Variants in NOD1 observed in about 807,000 individuals in gnomAD.
The protein encoded by NOD1 is nucleotide-binding oligomerization domain-containing protein 1.
Under a neutral mutation model 81.2 loss-of-function variants are expected in NOD1, and 70 were observed. The observed-to-expected ratio is 0.86, with a 90% CI of 0.71 to 1.05. The LOEUF is 1.05. NOD1 is among the 50% of genes least tolerant of loss of function. The pLI is 0.00. For missense variants in NOD1, 1,233 were observed against 1,228.0 expected (o/e 1.00, Z -0.06); for synonymous variants, 508 against 526.9 (o/e 0.96, Z 0.49).
intron 1 of NOD1, among the ~76,000 whole-genome samples, chr7:30,474,835 T>C (rs1168884245): frequency 6.6e-6 from 1 of 152,232 alleles, no homozygotes; most frequent in Non-Finnish European, 1.5e-5. Context: ...ATGTCTGGTA[T>C]ACTTTATAGA....
chr7:30,426,152 G>A (rs1457559020), intron 13 of NOD1, among the ~76,000 whole-genome samples: 2 of 152,002 alleles, frequency 1.3e-5, no homozygotes, highest in African/African-American at 4.8e-5. Context: ...TTTCCTCCAG[G>A]TTTGGGGCTA....
chr7:30,450,141 C>T (rs186636992), intron 6 of NOD1, among the ~76,000 whole-genome samples: 1 of 152,110 alleles, frequency 6.6e-6, no homozygotes, highest in African/African-American at 2.4e-5. Flanking sequence ...TTGCAGTGAG[C>T]TGAGATCACG....
chr7:30,466,364 A>ATT (rs536789760), intron 1 of NOD1, among the ~76,000 whole-genome samples: 1 of 146,174 alleles, frequency 6.8e-6, no homozygotes, highest in African/African-American at 2.5e-5. Flanking sequence ...TCAATGTGCA[A>ATT]TTTTTTTTTT....
Position 30,455,324 on chromosome 7 carries a change from C to A in NOD1, c.202-13G>T. 6.2e-7 allele frequency: 1 copy of A among 1,607,724 alleles called. No individual in the cohort carries two copies. Among genetic ancestry groups the A allele is most frequent in the Non-Finnish European group, 8.5e-7 (1 of 1,175,090 alleles). On this transcript the variant is annotated splice_polypyrimidine_tract_variant and intron_variant, in intron 4 of 13. Coordinates refer to ENST00000222823, the MANE Select transcript of NOD1 (RefSeq NM_006092.4). ...GAATTTTGCGGACCTGGAGGTGACA[C>A]AAGCATGAGGGCACGGGCTGGCATG...
chr7:30,452,990 A>C lies in NOD1; in HGVS notation c.427T>G (p.Phe143Val). Residue 143 changes from phenylalanine (F) to valine (V), a missense_variant, in exon 6 of 14, where the codon TTC (phenylalanine) becomes GTC (valine). By Grantham distance (50) the Phe-to-Val change is conservative. Transcript: ENST00000222823. ...TCCTTCTGGGCATAGCACAGCACGA[A>C]CTTGGAGTCACGGCCCAGATGGTGT... ...LRHHLGRDSK[F>V]VLCYAQKEEL... is the part of the protein sequence containing the mutation. 1 of 1,613,724 alleles carries C rather than the reference A, an allele frequency of 6.2e-7. No individual in the cohort carries two copies. Among genetic ancestry groups the C allele is most frequent in the Non-Finnish European group, 8.5e-7 (1 of 1,179,932 alleles).
chr7:30,465,769 T>C (rs748917201), intron 1 of NOD1, among the ~76,000 whole-genome samples: 5 of 152,210 alleles, frequency 3.3e-5, no homozygotes, highest in Non-Finnish European at 5.9e-5. Context: ...TTATAAAACA[T>C]TCTTTAGCAA....
intron 1 of NOD1, among the ~76,000 whole-genome samples, chr7:30,473,172 A>C (rs1419384907): frequency 6.6e-6 from 1 of 152,176 alleles, no homozygotes; most frequent in Non-Finnish European, 1.5e-5. Flanking sequence ...ACCTCACTCA[A>C]CTGAGAATTT....
Position 30,455,312 on chromosome 7 carries a change from C to A in NOD1, c.202-1G>T. ...GTACCAGGTCCAGAATTTTGCGGAC[C>A]TGGAGGTGACACAAGCATGAGGGCA... On this transcript the variant is annotated splice_acceptor_variant, in intron 4 of 13. Coordinates refer to ENST00000222823, the MANE Select transcript of NOD1 (RefSeq NM_006092.4). LOFTEE classifies it high-confidence loss of function. 1 of 1,611,324 alleles carries A rather than the reference C, an allele frequency of 6.2e-7. No homozygotes were observed. The highest frequency in any genetic ancestry group is 1.3e-5 in the African/African-American group (1 of 74,952).
At chr7:30,476,976 G>A (rs1788844498) in intron 1 of NOD1, among the ~76,000 whole-genome samples, 1 of 152,208 alleles carries the variant, frequency 6.6e-6, no homozygotes, top group Non-Finnish European at 1.5e-5. Flanking sequence ...ACCTGCCAGC[G>A]CCACCACCTT....
At position 30,451,500 on chromosome 7, in the gene NOD1, C is replaced by T; in HGVS notation, c.1917G>A (p.Gln639=). 1.2e-6 allele frequency: 2 copies of T among 1,613,218 alleles called. No homozygotes were observed. Among genetic ancestry groups the T allele is most frequent in the Non-Finnish European group, 1.7e-6 (2 of 1,179,918 alleles). The change falls in exon 6 of 14, where the codon CAG becomes CAA. Residue 639 remains glutamine, a synonymous_variant. Coordinates refer to ENST00000222823, the MANE Select transcript of NOD1 (RefSeq NM_006092.4). The surrounding 1 kb of genome is among the most constrained non-coding windows in gnomAD (Gnocchi z 4.2). The part of the protein sequence containing the change: ...RGYLKSLPRV[Q]VESFNQVQAM... ...CCTGCACCTGGTTGAAGCTTTCGAC[C>T]TGAACGCGGGGCAGGCTCTTCAGGT...
rs752021840 is a variant in NOD1 at position 30,436,068 on chromosome 7, C to T, written c.2551G>A (p.Gly851Ser). The change falls in exon 11 of 14, where the codon GGC becomes AGC. Residue 851 changes from glycine (G) to serine (S), a missense_variant. By Grantham distance (56) the Gly-to-Ser change is moderately conservative. Coordinates refer to ENST00000222823, the MANE Select transcript of NOD1 (RefSeq NM_006092.4). ...CTCTTTCCTCCTTCTGTGGAGATGCCGTTGGACGCAAGACTAGGAAGGAAC... is the reference window on the plus strand; with the variant it reads ...CTCTTTCCTCCTTCTGTGGAGATGCTGTTGGACGCAAGACTAGGAAGGAAC... ...SLTTLSLASN[G>S]ISTEGGKSLA... is the part of the protein sequence containing the mutation. 6.8e-6 allele frequency: 11 copies of T among 1,613,810 alleles called. No individual in the cohort carries two copies. Among genetic ancestry groups the T allele is most frequent in the South Asian group, 3.3e-5 (3 of 91,064 alleles).
chr7:30,438,431 G>A (rs1161558227), intron 9 of NOD1, among the ~76,000 whole-genome samples: 2 of 152,242 alleles, frequency 1.3e-5, no homozygotes, highest in African/African-American at 4.8e-5. Flanking sequence ...ATGGAGTTGT[G>A]AGGATTCACT....
intron 1 of NOD1, among the ~76,000 whole-genome samples, chr7:30,464,997 G>A (rs1787534566): frequency 6.6e-6 from 1 of 152,208 alleles, no homozygotes; most frequent in African/African-American, 2.4e-5. Flanking sequence ...CAGAGGTCAA[G>A]TAGCTCCCTG....
chr7:30,452,757 G>T lies in NOD1; in HGVS notation c.660C>A (p.Ala220=), dbSNP rs1785921502. Residue 220 remains alanine (A), a synonymous_variant, in exon 6 of 14, where the codon GCC becomes GCA. Coordinates refer to ENST00000222823, the MANE Select transcript of NOD1 (RefSeq NM_006092.4). ...TGACCCCTGCGTCTAGCCGGCCCGT[G>T]GCCCAGAGGCTCTGCAGCCGCTGTA... The part of the protein sequence containing the change: ...MLLQRLQSLW[A]TGRLDAGVKF... 2 of 1,613,948 alleles carry T rather than the reference G, an allele frequency of 1.2e-6. No individual in the cohort carries two copies. Among genetic ancestry groups the T allele is most frequent in the African/African-American group, 2.7e-5 (2 of 74,948 alleles).
intron 1 of NOD1, among the ~76,000 whole-genome samples, chr7:30,471,219 C>A (rs973546012): frequency 2.6e-5 from 4 of 152,132 alleles, no homozygotes; most frequent in South Asian, 2.1e-4. Context: ...CCCTGAGTGG[C>A]ATTAAGAGGT....
chr7:30,469,295 T>C, intron 1 of NOD1: 1 of 948,008 alleles, frequency 1.1e-6, no homozygotes, highest in Non-Finnish European at 1.3e-6. Context: ...CCATTGACAC[T>C]CACTGACTTT....
chr7:30,429,425 G>A lies in NOD1; in HGVS notation c.2738C>T (p.Thr913Ile), dbSNP rs1289618765. The A allele has an allele frequency of 6.2e-7, 1 of 1,614,020 alleles. No individual in the cohort carries two copies. The highest frequency in any genetic ancestry group is 1.3e-5 in the African/African-American group (1 of 74,944). ...CTGTAACGCATCTGCCAGCTGGGCA[G>A]TCCCCTTAGCTGTGATCTGATTCTG... ...LIQNQITAKG[T>I]AQLADALQSN... The change falls in exon 13 of 14, where the codon ACT becomes ATT. Residue 913 changes from threonine to isoleucine, a missense_variant. Physicochemically the swap from Thr to Ile is moderately conservative, Grantham distance 89 (BLOSUM62 -1). Transcript: ENST00000222823.
At position 30,425,429 on chromosome 7, in the gene NOD1, T is replaced by G; in HGVS notation, c.*209A>C. On this transcript the variant is annotated 3_prime_UTR_variant, in exon 14 of 14. Transcript: ENST00000222823. ...TAACTACAACAGCTCGCAAGACACA[T>G]TCTTTTTCTGCAGAATTGTAGCGGG... 1.7e-6 allele frequency: 1 copy of G among 596,334 alleles called. No individual in the cohort carries two copies. The highest frequency in any genetic ancestry group is 3.0e-5 in the Admixed American group (1 of 33,686). 36.9% of individuals were successfully genotyped at this position (596,334 alleles called of 1,614,324 possible). A position where few individuals can be genotyped will look rare whatever the true frequency, so the allele number is the denominator to read the frequency against.
chr7:30,468,964 A>T, intron 1 of NOD1: 1 of 985,482 alleles, frequency 1.0e-6, no homozygotes, highest in Non-Finnish European at 1.2e-6. Context: ...AGCTGGGTGG[A>T]TGAAGCCATG....
Sources: allele counts gnomAD v4.1 joint callset (sites outside exome capture counted in the v4.1 genomes callset), GRCh38; gene constraint gnomAD v4.1.1; non-coding constraint Gnocchi (gnomAD v3.1); transcripts MANE v1.5; gene names NCBI Gene and HGNC (gene_info 2026-07-23, HGNC 2026-07-21).